The following FRG1 variants were observed in gnomAD, a reference collection of about 807,000 sequenced individuals.
FRG1 encodes the protein FSHD region gene 1.
A neutral mutation model predicts 37.0 loss-of-function variants in FRG1; 19 were observed. That is an observed-to-expected ratio of 0.51 (90% CI 0.36 to 0.75). The LOEUF (loss-of-function observed/expected upper bound fraction) is 0.75. FRG1 is among the 30% of genes least tolerant of loss of function. The pLI is 0.00. For missense variants in FRG1, 243 were observed against 301.4 expected (o/e 0.81, Z 1.44); for synonymous variants, 73 against 96.5 (o/e 0.76, Z 1.43).
At chr4:189,959,848 T>A in intron 6 of FRG1, 1 of 980,724 alleles carries the variant, frequency 1.0e-6, no homozygotes, top group Non-Finnish European at 1.2e-6. Context: ...AATTGCAGGC[T>A]CTCCTAATCT....
chr4:189,958,651 C>A (rs1473269255), intron 6 of FRG1, among the ~76,000 whole-genome samples: 1 of 152,246 alleles, frequency 6.6e-6, no homozygotes, highest in Non-Finnish European at 1.5e-5. Context: ...TAATCCTACT[C>A]TTTGTTTTAC....
intron 3 of FRG1, 63 bp from the exon 4 acceptor site, chr4:189,953,005 A>C (rs189973006): frequency 6.6e-7 from 1 of 1,505,250 alleles, no homozygotes; most frequent in Non-Finnish European, 8.8e-7. Flanking sequence ...TTTTAAAACA[A>C]AATAATGTCT....
intron 6 of FRG1, among the ~76,000 whole-genome samples, chr4:189,959,362 CAAG>C (rs1319013363): frequency 6.6e-6 from 1 of 152,140 alleles, no homozygotes; most frequent in Non-Finnish European, 1.5e-5. Flanking sequence ...GCATTACAGA[CAAG>C]AAGACAGCCT....
At chr4:189,958,758 C>G (rs79861716) in intron 6 of FRG1, among the ~76,000 whole-genome samples, 1 of 147,902 alleles carries the variant, frequency 6.8e-6, no homozygotes, top group Admixed American at 6.8e-5. Context: ...TAATTGGAAT[C>G]TGATGAAAAC....
chr4:189,952,073 A>C, intron 2 of FRG1, 89 bp from the exon 3 acceptor site: 2 of 898,784 alleles, frequency 2.2e-6, no homozygotes, highest in South Asian at 3.8e-5. Flanking sequence ...GCAAAATAAG[A>C]AGTTTTTAAA....
intron 1 of FRG1, chr4:189,941,960 C>T (rs1233504621): frequency 4.1e-5 from 14 of 342,894 alleles, no homozygotes; most frequent in Non-Finnish European, 7.6e-5. Flanking sequence ...CTTGAGAACC[C>T]TCTCGAGGAG....
At chr4:189,946,535 T>A (rs1736536743) in intron 2 of FRG1, among the ~76,000 whole-genome samples, 1 of 152,154 alleles carries the variant, frequency 6.6e-6, no homozygotes, top group Non-Finnish European at 1.5e-5. Flanking sequence ...TTGCTCTTGT[T>A]TTATTGCTTC....
At chr4:189,947,375 A>G (rs1006111115) in intron 2 of FRG1, among the ~76,000 whole-genome samples, 1 of 152,146 alleles carries the variant, frequency 6.6e-6, no homozygotes, top group African/African-American at 2.4e-5. Context: ...TCAGTCTTTC[A>G]TTTTCATAAC....
chr4:189,944,199 CAA>C (rs1258448459), intron 2 of FRG1, among the ~76,000 whole-genome samples: 2 of 152,044 alleles, frequency 1.3e-5, no homozygotes, highest in Non-Finnish European at 2.9e-5. Flanking sequence ...TTTTTTGAGA[CAA>C]ATTCTCACTC....
At chr4:189,949,811 T>C (rs1736677825) in intron 2 of FRG1, among the ~76,000 whole-genome samples, 1 of 152,234 alleles carries the variant, frequency 6.6e-6, no homozygotes, top group South Asian at 2.1e-4. Context: ...TTTAATTGTC[T>C]TTAGCTGAAA....
rs892698755 is a variant in FRG1 at position 189,943,228 on chromosome 4, A to G, written c.89A>G (p.Lys30Arg). 39 of 1,606,150 alleles carry G rather than the reference A, an allele frequency of 2.4e-5. No individual in the cohort carries two copies. The highest frequency in any genetic ancestry group is 3.2e-5 in the Non-Finnish European group (38 of 1,174,998). Residue 30 changes from lysine (K) to arginine (R), a missense_variant, in exon 2 of 9, where the codon AAA becomes AGA. This residue lies in a region of FRG1 where 110 missense variants were observed against 102.2 expected (regional missense o/e 1.08). Coordinates refer to ENST00000226798, the MANE Select transcript of FRG1 (RefSeq NM_004477.3). ...AAGAAGAAAAAGAGCAAAGATAAGAAAAGAAAAAGAGAAGAAGATGAAGAA... is the reference window on the plus strand; with the variant it reads ...AAGAAGAAAAAGAGCAAAGATAAGAGAAGAAAAAGAGAAGAAGATGAAGAA... ...KSKKKKSKDK[K>R]RKREEDEETQ...
Position 189,950,541 on chromosome 4 carries a change from T to G in FRG1, c.134-1621T>G, listed in dbSNP as rs189314892. 6.6e-5 allele frequency among the ~76,000 whole-genome samples: 10 copies of G among 152,356 alleles called. No individual in the cohort carries two copies. The Middle Eastern group carries it at 0.014, about 207-fold the overall frequency. On this transcript the variant is annotated intron_variant, in intron 2 of 8. Coordinates refer to ENST00000226798, the MANE Select transcript of FRG1 (RefSeq NM_004477.3). ...GGTCTGTTTTAAGTTACTTTTTGTATTTGGCATTAGATAAGGGTCCAACTT... is the reference window on the plus strand; with the variant it reads ...GGTCTGTTTTAAGTTACTTTTTGTAGTTGGCATTAGATAAGGGTCCAACTT...
At chr4:189,943,125 T>C in intron 1 of FRG1, 77 bp from the exon 2 acceptor site, 1 of 1,432,300 alleles carries the variant, frequency 7.0e-7, no homozygotes, top group Non-Finnish European at 9.4e-7. Context: ...CTTAAAAGAC[T>C]TTCAAGTTTC....
rs10031390 is a variant in FRG1, at chr4:189,940,880, C to G, written c.-130C>G. On this transcript the variant is annotated 5_prime_UTR_variant, in exon 1 of 9. Coordinates refer to ENST00000226798, the MANE Select transcript of FRG1 (RefSeq NM_004477.3). ...TGGGTGAAGACGGAGGCGGGTTCTA[C>G]AGAGACGTAGGCTGTCAGGGAGTGT... 35,847 of 655,480 alleles carry G rather than the reference C, an allele frequency of 0.055. 5,976 individuals carry two copies. The highest frequency in any genetic ancestry group is 0.44 in the African/African-American group (23,453 of 53,080). 40.6% of individuals were successfully genotyped at this position (655,480 alleles called of 1,614,324 possible).
Position 189,940,899 on chromosome 4 carries a change from G to T in FRG1, c.-111G>T. Reference sequence around the variant, plus strand: ...GTTCTACAGAGACGTAGGCTGTCAGGGAGTGTTTATTTCGCGTCCGCTTCT... The same window carrying T: ...GTTCTACAGAGACGTAGGCTGTCAGTGAGTGTTTATTTCGCGTCCGCTTCT... On this transcript the variant is annotated 5_prime_UTR_variant, in exon 1 of 9. Coordinates refer to ENST00000226798, the MANE Select transcript of FRG1 (RefSeq NM_004477.3). The T allele has an allele frequency of 1.3e-6, 1 of 752,906 alleles. No individual in the cohort carries two copies. The highest frequency in any genetic ancestry group is 2.3e-6 in the Non-Finnish European group (1 of 439,066). 46.6% of individuals were successfully genotyped at this position (752,906 alleles called of 1,614,324 possible).
At chr4:189,944,839 G>A (rs943735654) in intron 2 of FRG1, among the ~76,000 whole-genome samples, 3 of 152,220 alleles carry the variant, frequency 2.0e-5, no homozygotes, top group Non-Finnish European at 1.5e-5. Flanking sequence ...TGAGTCCTCC[G>A]ACTTTGTACT....
chr4:189,959,913 C>G (rs1737157797), intron 6 of FRG1: 1 of 981,084 alleles, frequency 1.0e-6, no homozygotes, highest in African/African-American at 1.8e-5. Flanking sequence ...ACAGATCCCT[C>G]TTACTAAAGG....
rs1339357786 is a variant in FRG1, at chr4:189,940,968, A to C, written c.-42A>C. 1 of 1,564,408 alleles carries C rather than the reference A, an allele frequency of 6.4e-7. No homozygotes were observed. Among genetic ancestry groups the C allele is most frequent in the East Asian group, 2.2e-5 (1 of 44,560 alleles). On this transcript the variant is annotated 5_prime_UTR_variant, in exon 1 of 9. Coordinates refer to ENST00000226798, the MANE Select transcript of FRG1 (RefSeq NM_004477.3). ...GCTGCCCCGACTCACATACTCGTCC[A>C]GAACCGGCCTCAGCCTCTCCGCGCA...
chr4:189,945,967 G>A (rs998341124), intron 2 of FRG1, among the ~76,000 whole-genome samples: 1 of 152,114 alleles, frequency 6.6e-6, no homozygotes, highest in Non-Finnish European at 1.5e-5. Context: ...TTTTTCTGTT[G>A]TGTCAGTTTT....
Sources: allele counts gnomAD v4.1 joint callset (sites outside exome capture counted in the v4.1 genomes callset), GRCh38; gene constraint gnomAD v4.1.1; regional missense constraint gnomAD v4.1.1; transcripts MANE v1.5; gene names NCBI Gene and HGNC (gene_info 2026-07-23, HGNC 2026-07-21).